The following CNTN1 variants were observed in gnomAD, a reference collection of about 807,000 sequenced individuals.
The protein encoded by CNTN1 is contactin 1.
CNTN1 carries 38 observed loss-of-function variants against 126.4 expected under a neutral mutation model. That is an observed-to-expected ratio of 0.30 (90% CI 0.23 to 0.39). The LOEUF is 0.39. Among genes scored for constraint, CNTN1 ranks in the 10% least tolerant of loss-of-function variants. CNTN1 has a pLI of 1.00. For missense variants in CNTN1, 1,009 were observed against 1,248.4 expected (o/e 0.81, Z 2.89); for synonymous variants, 413 against 422.6 (o/e 0.98, Z 0.28).
chr12:40,692,874 C>T (rs1182851559), intron 1 of CNTN1, among the ~76,000 whole-genome samples: 1 of 152,176 alleles, frequency 6.6e-6, no homozygotes, highest in Non-Finnish European at 1.5e-5. Context: ...GTCAACTTTC[C>T]TTTCGGAGGC....
chr12:40,724,980 G>T lies in CNTN1; in HGVS notation c.-77+32388G>T, dbSNP rs114106850. 4.7e-4 allele frequency among the ~76,000 whole-genome samples: 71 copies of T among 152,292 alleles called. 1 individual carries two copies. The highest frequency in any genetic ancestry group is 1.7e-3 in the African/African-American group (69 of 41,578). On this transcript the variant is annotated intron_variant, in intron 1 of 23. Coordinates refer to ENST00000551295, the MANE Select transcript of CNTN1 (RefSeq NM_001843.4). Reference sequence around the variant, plus strand: ...CTCCTGGAACTCAGAAAAATATAAAGAGACCAAAATTACAAAAGACAAATG... The same window carrying T: ...CTCCTGGAACTCAGAAAAATATAAATAGACCAAAATTACAAAAGACAAATG...
At chr12:40,932,374 T>C (rs905311636) in intron 7 of CNTN1, among the ~76,000 whole-genome samples, 5 of 148,106 alleles carry the variant, frequency 3.4e-5, no homozygotes, top group Admixed American at 2.7e-4. Flanking sequence ...TGCTCTTCCT[T>C]AATCTTCCAC....
intron 1 of CNTN1, among the ~76,000 whole-genome samples, chr12:40,696,569 T>C (rs1169893389): frequency 6.6e-6 from 1 of 152,218 alleles, no homozygotes; most frequent in African/African-American, 2.4e-5. Context: ...CACTGTACTT[T>C]AGTTCGTATC....
chr12:40,747,584 G>A (rs974164649), intron 1 of CNTN1, among the ~76,000 whole-genome samples: 4 of 152,004 alleles, frequency 2.6e-5, no homozygotes, highest in South Asian at 2.1e-4. Context: ...AAGTGGAGCT[G>A]TTACCTAATA....
chr12:40,933,117 T>C lies in CNTN1; in HGVS notation c.704-344T>C, dbSNP rs1235861332. ...CTCTCTTCTCCTTCTTCTCTTTCCTTCTCCCTCATTTTCTTTCTCCACCTT... is the reference window on the plus strand; with the variant it reads ...CTCTCTTCTCCTTCTTCTCTTTCCTCCTCCCTCATTTTCTTTCTCCACCTT... On this transcript the variant is annotated intron_variant, in intron 7 of 23. Transcript: ENST00000551295. 2.0e-5 allele frequency among the ~76,000 whole-genome samples: 3 copies of C among 151,972 alleles called. No homozygotes were observed. The East Asian group carries it at 5.8e-4, about 29-fold the overall frequency.
At chr12:40,886,128 G>A (rs540491432) in intron 1 of CNTN1, among the ~76,000 whole-genome samples, 15 of 152,034 alleles carry the variant, frequency 9.9e-5, no homozygotes, top group South Asian at 2.1e-4. Context: ...TAATCATACC[G>A]TATGCAAAAT....
At chr12:41,042,566 G>A in intron 23 of CNTN1, among the ~76,000 whole-genome samples, 1 of 151,954 alleles carries the variant, frequency 6.6e-6, no homozygotes, top group Non-Finnish European at 1.5e-5. Flanking sequence ...CTCTTTGTAG[G>A]TCACTCAGGA....
At chr12:40,993,303 G>A (rs1948136366) in intron 17 of CNTN1, 34 bp downstream of exon 17, 1 of 1,579,614 alleles carries the variant, frequency 6.3e-7, no homozygotes, top group Non-Finnish European at 8.7e-7. Flanking sequence ...AATTTTAAAA[G>A]ATTTCTAAAT....
At chr12:41,058,596 C>CT (rs1491234615) in intron 23 of CNTN1, among the ~76,000 whole-genome samples, 1 of 151,852 alleles carries the variant, frequency 6.6e-6, no homozygotes, top group Non-Finnish European at 1.5e-5. Context: ...TTTTTTTCCC[C>CT]TTTTTTTAAC....
intron 1 of CNTN1, among the ~76,000 whole-genome samples, chr12:40,823,419 C>A (rs976704012): frequency 6.6e-6 from 1 of 152,066 alleles, no homozygotes; most frequent in Non-Finnish European, 1.5e-5. Flanking sequence ...TTTCTTTTAG[C>A]CTGATTTTTC....
intron 2 of CNTN1, among the ~76,000 whole-genome samples, chr12:40,909,292 C>T (rs553012674): frequency 6.6e-6 from 1 of 152,118 alleles, no homozygotes; most frequent in African/African-American, 2.4e-5. Flanking sequence ...AGAAGCACAT[C>T]ATATCTTTAT....
intron 17 of CNTN1, among the ~76,000 whole-genome samples, chr12:41,000,872 G>T (rs1031876557): frequency 6.6e-6 from 1 of 152,176 alleles, no homozygotes; most frequent in African/African-American, 2.4e-5. Flanking sequence ...TTATAAGTGA[G>T]AGCATGCAGT....
chr12:40,856,638 A>C (rs1942918194), intron 1 of CNTN1, among the ~76,000 whole-genome samples: 2 of 152,118 alleles, frequency 1.3e-5, no homozygotes, highest in Admixed American at 1.3e-4. Context: ...AAAATTGATA[A>C]ATTTCAATTT....
At chr12:41,049,075 T>G (rs1949614310) in intron 23 of CNTN1, among the ~76,000 whole-genome samples, 1 of 152,198 alleles carries the variant, frequency 6.6e-6, no homozygotes, top group Non-Finnish European at 1.5e-5. Context: ...TTTCTCTTTC[T>G]TGGCTTTCTG....
chr12:40,969,992 G>T (rs1202461523), intron 15 of CNTN1, among the ~76,000 whole-genome samples: 1 of 152,038 alleles, frequency 6.6e-6, no homozygotes, highest in Non-Finnish European at 1.5e-5. Context: ...CACTCTTAGC[G>T]ACTCTCAATA....
rs144167869 is a variant in CNTN1, at chr12:40,970,395, A to G, written c.1805-10514A>G. On this transcript the variant is annotated intron_variant, in intron 15 of 23. Transcript: ENST00000551295. The stretch of plus-strand genomic sequence containing the variant: ...GGATTTAAAATTTTATATGCTTAAA[A>G]TGTCAAATGTCTTACGACCTTTTTT... Among the ~76,000 whole-genome samples, 732 of 152,268 alleles carry G rather than the reference A, an allele frequency of 4.8e-3. 7 individuals carry two copies. Among genetic ancestry groups the G allele is most frequent in the African/African-American group, 0.016 (666 of 41,558 alleles).
intron 1 of CNTN1, among the ~76,000 whole-genome samples, chr12:40,702,705 G>A (rs1941633242): frequency 6.6e-6 from 1 of 152,170 alleles, no homozygotes; most frequent in African/African-American, 2.4e-5. Context: ...CAAAGTGCTG[G>A]AATTGCAGGC....
At chr12:40,848,712 G>C (rs979434075) in intron 1 of CNTN1, among the ~76,000 whole-genome samples, 1 of 151,906 alleles carries the variant, frequency 6.6e-6, no homozygotes, top group South Asian at 2.1e-4. Context: ...TCCTAGCAAA[G>C]GTACTTGGTC....
At chr12:40,949,194 ATTTGTTTTTTTT>A (rs1361893331) in intron 14 of CNTN1, among the ~76,000 whole-genome samples, 3 of 87,548 alleles carry the variant, frequency 3.4e-5, no homozygotes, top group East Asian at 2.5e-4. Context: ...ACAGAAGTCA[ATTTGTTTTTTTT>A]TTTGTTTTTT....
Sources: gnomAD v4.1 joint callset for allele counts (sites outside exome capture counted in the v4.1 genomes callset) on GRCh38, gnomAD v4.1.1 for gene constraint, MANE v1.5 for transcripts, NCBI Gene and HGNC (gene_info 2026-07-23, HGNC 2026-07-21) for gene names.